Variants in LINGO2 observed in about 807,000 individuals in gnomAD.
The protein encoded by LINGO2 is leucine-rich repeat and immunoglobulin-like domain-containing nogo receptor-interacting protein 2.
A neutral mutation model predicts 30.6 loss-of-function variants in LINGO2; 14 were observed. That is an observed-to-expected ratio of 0.46 (90% confidence interval 0.30 to 0.72). The LOEUF (loss-of-function observed/expected upper bound fraction) is 0.72, where lower values mean the gene tolerates loss of function less well. LINGO2 is among the 30% of genes least tolerant of loss of function. LINGO2 has a pLI of 0.07. For missense variants in LINGO2, 729 were observed against 751.7 expected, an observed-to-expected ratio of 0.97 and a Z score of 0.35; for synonymous variants, 317 against 288.5, an observed-to-expected ratio of 1.10 and a Z score of -1.00.
At chr9:28,105,796 T>A (rs934630725) in intron 4 of LINGO2, among the ~76,000 whole-genome samples, 2 of 152,014 alleles carry the variant, frequency 1.3e-5, no homozygotes, top group African/African-American at 4.8e-5. Context: ...AGAGAGAAGG[T>A]GGCTGTCTAC....
At chr9:28,983,773 TA>T in the LINGO2 span, among the ~76,000 whole-genome samples, 1 of 151,916 alleles carries the variant, frequency 6.6e-6, no homozygotes, top group African/African-American at 2.4e-5. Flanking sequence ...ACAAATTAAA[TA>T]AAAGGGTTTC....
chr9:29,109,548 T>C, the LINGO2 span, among the ~76,000 whole-genome samples: 18 of 152,284 alleles, frequency 1.2e-4, no homozygotes, highest in African/African-American at 3.8e-4. Flanking sequence ...ACAAGTTAAA[T>C]TTGAAATGTC....
rs78678519 is a variant in LINGO2, at chr9:28,325,025, C to T, written c.-245-29659G>A. ...TGTCTCTCTTAACTTCTCTCTTCCACGTATCTCTCTTTCAGGCTCACATAC... is the reference window on the plus strand; with the variant it reads ...TGTCTCTCTTAACTTCTCTCTTCCATGTATCTCTCTTTCAGGCTCACATAC... On this transcript the variant is annotated intron_variant, in intron 3 of 5. Coordinates refer to ENST00000379992, the Ensembl canonical transcript of LINGO2. Among the ~76,000 whole-genome samples the T allele has an allele frequency of 3.2e-3, 489 of 151,976 alleles. 4 individuals carry two copies. Among genetic ancestry groups the T allele is most frequent in the African/African-American group, 0.011 (459 of 41,424 alleles).
the LINGO2 span, among the ~76,000 whole-genome samples, chr9:29,082,016 C>T: frequency 2.6e-5 from 4 of 152,016 alleles, no homozygotes; most frequent in African/African-American, 7.2e-5. Context: ...AGGTAATTTA[C>T]AGATTCAATG....
At chr9:28,388,855 ACT>A (rs1370965312) in intron 2 of LINGO2, among the ~76,000 whole-genome samples, 2 of 152,012 alleles carry the variant, frequency 1.3e-5, no homozygotes, top group Non-Finnish European at 1.5e-5. Context: ...AACTTCACCA[ACT>A]GTAAATATTT....
chr9:29,149,543 A>C, the LINGO2 span, among the ~76,000 whole-genome samples: 1 of 151,814 alleles, frequency 6.6e-6, no homozygotes, highest in African/African-American at 2.4e-5. Context: ...GAAAGTCGGG[A>C]ACCTTGTGCA....
chr9:27,988,791 C>T (rs561652845), intron 5 of LINGO2, among the ~76,000 whole-genome samples: 1 of 151,918 alleles, frequency 6.6e-6, no homozygotes, highest in Non-Finnish European at 1.5e-5. Flanking sequence ...CTGTAACTGG[C>T]ACCACTGTTC....
At chr9:28,796,088 C>CA in the LINGO2 span, among the ~76,000 whole-genome samples, 28,351 of 140,714 alleles carry the variant, frequency 0.2, 2,903 homozygotes, top group East Asian at 0.41. Flanking sequence ...AAATAGTGCA[C>CA]AAAAAAAAAA....
At chr9:28,562,703 C>G (rs1025355629) in intron 1 of LINGO2, among the ~76,000 whole-genome samples, 1 of 152,026 alleles carries the variant, frequency 6.6e-6, no homozygotes, top group Non-Finnish European at 1.5e-5. Flanking sequence ...ATACCTCACT[C>G]TCCCATTTTT....
At chr9:28,111,513 C>T (rs1268495222) in intron 4 of LINGO2, among the ~76,000 whole-genome samples, 2 of 151,980 alleles carry the variant, frequency 1.3e-5, no homozygotes, top group Admixed American at 1.3e-4. Context: ...TTAACTCGGG[C>T]CAGCTGTTTT....
At chr9:28,979,995 T>C in the LINGO2 span, among the ~76,000 whole-genome samples, 9 of 152,266 alleles carry the variant, frequency 5.9e-5, no homozygotes, top group South Asian at 1.7e-3. Flanking sequence ...CATAGAAATA[T>C]AATATGTATA....
the LINGO2 span, among the ~76,000 whole-genome samples, chr9:29,207,382 T>A: frequency 1.3e-5 from 2 of 152,032 alleles, no homozygotes; most frequent in African/African-American, 4.8e-5. Context: ...TAGATAAGTA[T>A]CTTGCAGCTA....
chr9:28,188,605 C>A (rs949783614), intron 4 of LINGO2, among the ~76,000 whole-genome samples: 1 of 152,040 alleles, frequency 6.6e-6, no homozygotes, highest in Non-Finnish European at 1.5e-5. Flanking sequence ...TTTTTTCTAA[C>A]CCTTTTGGAT....
rs760033282 is a variant in LINGO2, at chr9:28,475,200, AT to A, written c.-279+739del. Among the ~76,000 whole-genome samples the A allele has an allele frequency of 4.6e-5, 7 of 152,300 alleles. 1 individual carries two copies. In the South Asian group the frequency reaches 8.3e-4, roughly 18 times the overall value. ...AAACACAATTACGTATTCATAAGCTATTTATACCTATAAGGCCTCATATAAA... is the reference window on the plus strand; with the variant it reads ...AAACACAATTACGTATTCATAAGCTATTATACCTATAAGGCCTCATATAAA... On this transcript the variant is annotated intron_variant, in intron 2 of 5. Coordinates refer to ENST00000379992, the Ensembl canonical transcript of LINGO2.
At chr9:28,713,019 C>T in the LINGO2 span, among the ~76,000 whole-genome samples, 2 of 152,008 alleles carry the variant, frequency 1.3e-5, no homozygotes, top group Non-Finnish European at 2.9e-5. Flanking sequence ...GTGCTTGTCA[C>T]CACGCCCGGC....
chr9:28,034,795 C>T lies in LINGO2; in HGVS notation c.-86-22390G>A, dbSNP rs74525602. On this transcript the variant is annotated intron_variant, in intron 4 of 5. Coordinates refer to ENST00000379992, the Ensembl canonical transcript of LINGO2. ...TGTATTTAATAATTTAAACTTACTT[C>T]TTAAATTGCTTTTCTTCAGAGACCT... Among the ~76,000 whole-genome samples, 864 of 152,320 alleles carry T rather than the reference C, an allele frequency of 5.7e-3. 4 individuals are homozygous for T. Among genetic ancestry groups the T allele is most frequent in the Middle Eastern group, 0.01 (3 of 294 alleles).
chr9:29,073,114 T>A, the LINGO2 span, among the ~76,000 whole-genome samples: 1 of 152,002 alleles, frequency 6.6e-6, no homozygotes, highest in East Asian at 1.9e-4. Flanking sequence ...ACAACCGTTG[T>A]ATAAATCTAT....
At chr9:28,529,590 T>C (rs1249246338) in intron 1 of LINGO2, among the ~76,000 whole-genome samples, 8 of 151,550 alleles carry the variant, frequency 5.3e-5, no homozygotes, top group Non-Finnish European at 1.5e-5. Context: ...TTAAGACCAG[T>C]TGCAAATTGC....
At chr9:28,065,788 C>T (rs117007698) in intron 4 of LINGO2, among the ~76,000 whole-genome samples, 64 of 152,040 alleles carry the variant, frequency 4.2e-4, no homozygotes, top group Non-Finnish European at 7.5e-4. Flanking sequence ...GTGAAAGGCT[C>T]AGTAATTGTT....
Sources: allele counts gnomAD v4.1 joint callset (sites outside exome capture counted in the v4.1 genomes callset), GRCh38; gene constraint gnomAD v4.1.1; transcripts MANE v1.5; gene names NCBI Gene and HGNC (gene_info 2026-07-23, HGNC 2026-07-21).